The following MCTP1 variants were observed in gnomAD, a reference collection of about 807,000 sequenced individuals.
MCTP1 encodes multiple C2 and transmembrane domain-containing protein 1.
A neutral mutation model predicts 120.6 loss-of-function variants in MCTP1; 69 were observed. That is an observed-to-expected ratio of 0.57 (90% CI 0.47 to 0.70). The LOEUF is 0.70. Ranked by LOEUF, MCTP1 falls within the 30% of genes least tolerant of loss-of-function variation. The probability of loss-of-function intolerance (pLI) is 0.00; values close to 1 mark genes in which losing one functional copy is unlikely to be tolerated. For synonymous variants in MCTP1, 529 were observed against 493.1 expected (o/e 1.07, Z -0.96); for missense variants, 1,203 against 1,248.8 (o/e 0.96, Z 0.55).
chr5:94,873,289 G>C, intron 12 of MCTP1, 48 bp from the exon 13 acceptor site: 1 of 1,051,088 alleles, frequency 9.5e-7, no homozygotes, highest in Non-Finnish European at 1.5e-6. Flanking sequence ...AGCACCCACA[G>C]TTCACAGTGT....
At chr5:95,193,234 C>G (rs929008522) in intron 1 of MCTP1, among the ~76,000 whole-genome samples, 3 of 152,142 alleles carry the variant, frequency 2.0e-5, no homozygotes, top group Non-Finnish European at 4.4e-5. Context: ...TACTTTACAT[C>G]TACTTCAAGG....
chr5:95,243,129 T>C (rs1294949958), intron 1 of MCTP1, among the ~76,000 whole-genome samples: 1 of 152,162 alleles, frequency 6.6e-6, no homozygotes, highest in Non-Finnish European at 1.5e-5. Context: ...CTGTCTCTGA[T>C]GATGTGATCA....
intron 1 of MCTP1, among the ~76,000 whole-genome samples, chr5:95,219,243 A>T (rs1017900063): frequency 1.3e-5 from 2 of 152,094 alleles, no homozygotes; most frequent in African/African-American, 2.4e-5. Flanking sequence ...TTAGCCGGGC[A>T]TGGTGGTGGG....
chr5:95,205,505 G>A (rs1382034739), intron 1 of MCTP1, among the ~76,000 whole-genome samples: 3 of 152,106 alleles, frequency 2.0e-5, no homozygotes, highest in African/African-American at 7.2e-5. Context: ...AAATTAATGT[G>A]AAATAATTTG....
At chr5:95,164,009 T>C (rs1485189180) in intron 1 of MCTP1, among the ~76,000 whole-genome samples, 1 of 152,226 alleles carries the variant, frequency 6.6e-6, no homozygotes, top group Non-Finnish European at 1.5e-5. Flanking sequence ...TTGGTAATTA[T>C]TTGAAATTCT....
chr5:95,064,035 C>T (rs1749959692), intron 1 of MCTP1, among the ~76,000 whole-genome samples: 1 of 152,200 alleles, frequency 6.6e-6, no homozygotes, highest in African/African-American at 2.4e-5. Context: ...TATGTAAACA[C>T]CTGCTTTAGC....
At chr5:94,812,734 T>C (rs1054846512) in intron 17 of MCTP1, among the ~76,000 whole-genome samples, 1 of 150,030 alleles carries the variant, frequency 6.7e-6, no homozygotes, top group South Asian at 2.1e-4. Context: ...TGAATAGCCA[T>C]AGCACTCCAG....
intron 17 of MCTP1, among the ~76,000 whole-genome samples, chr5:94,832,982 G>A (rs910066800): frequency 1.3e-5 from 2 of 152,208 alleles, no homozygotes; most frequent in Non-Finnish European, 2.9e-5. Flanking sequence ...CACACCACAA[G>A]TGAGCTGTTC....
At chr5:95,282,003 G>A (rs1167642593) in intron 1 of MCTP1, among the ~76,000 whole-genome samples, 2 of 152,284 alleles carry the variant, frequency 1.3e-5, no homozygotes, top group Non-Finnish European at 2.9e-5. Flanking sequence ...TACTAACTAC[G>A]TGACCCTGGA....
At chr5:94,808,029 T>A (rs918296436) in intron 17 of MCTP1, among the ~76,000 whole-genome samples, 2 of 152,336 alleles carry the variant, frequency 1.3e-5, no homozygotes, top group Non-Finnish European at 2.9e-5. Flanking sequence ...ATTCTCCTAC[T>A]AATGTTTAAC....
At chr5:94,836,196 A>C (rs967696139) in intron 17 of MCTP1, among the ~76,000 whole-genome samples, 4 of 151,398 alleles carry the variant, frequency 2.6e-5, no homozygotes, top group Admixed American at 1.3e-4. Flanking sequence ...AAAAAAAAAA[A>C]AAAAAAAAAA....
chr5:94,796,711 A>C (rs987386237), intron 18 of MCTP1, among the ~76,000 whole-genome samples: 8 of 149,848 alleles, frequency 5.3e-5, no homozygotes, highest in Non-Finnish European at 1.0e-4. Context: ...TTTCTTTTCA[A>C]AAGGAGCAAC....
chr5:95,219,519 T>G (rs1753446450), intron 1 of MCTP1, among the ~76,000 whole-genome samples: 1 of 152,148 alleles, frequency 6.6e-6, no homozygotes, highest in African/African-American at 2.4e-5. Flanking sequence ...TCAAATGAAT[T>G]AAATTTGGCA....
At chr5:94,785,218 A>G (rs1222953792) in intron 18 of MCTP1, among the ~76,000 whole-genome samples, 3 of 152,154 alleles carry the variant, frequency 2.0e-5, no homozygotes, top group South Asian at 4.1e-4. Flanking sequence ...ATTTCTTTTC[A>G]TATTTCCTTT....
Position 95,283,970 on chromosome 5 carries a change from C to A in MCTP1, c.606G>T (p.Pro202=). ...HLCHQKSSSL[P]GTACLEQLLE... Reference sequence around the variant, plus strand: ...GCAGCTGCTCCAGGCAGGCGGTGCCCGGCAGAGAGGAGCTCTTCTGGTGGC... The same window carrying A: ...GCAGCTGCTCCAGGCAGGCGGTGCCAGGCAGAGAGGAGCTCTTCTGGTGGC... The change falls in exon 1 of 23, where the codon CCG becomes CCT. Residue 202 remains proline (P), a synonymous_variant. Transcript: ENST00000515393. The A allele has an allele frequency of 7.0e-7, 1 of 1,429,964 alleles. No homozygotes were observed. The highest frequency in any genetic ancestry group is 9.1e-7 in the Non-Finnish European group (1 of 1,096,094). 88.6% of individuals were successfully genotyped at this position (1,429,964 alleles called of 1,614,324 possible).
At chr5:95,213,560 A>G (rs1275491486) in intron 1 of MCTP1, among the ~76,000 whole-genome samples, 2 of 152,018 alleles carry the variant, frequency 1.3e-5, no homozygotes, top group African/African-American at 4.8e-5. Flanking sequence ...CGCCAAGTCA[A>G]TCCTAAGCCA....
rs148442628 is a variant in MCTP1 at position 95,114,814 on chromosome 5, C to T, written c.721-97330G>A. Among the ~76,000 whole-genome samples, 44 of 152,242 alleles carry T rather than the reference C, an allele frequency of 2.9e-4. 1 individual carries two copies. In the East Asian group the frequency reaches 5.4e-3, roughly 19 times the overall value. On this transcript the variant is annotated intron_variant, in intron 1 of 22. Transcript: ENST00000515393. The stretch of plus-strand genomic sequence containing the variant: ...GGCCTTGCACGAACATAGGTGGCAG[C>T]CAGGTAGTAATTACAGTGGGCTTTA...
chr5:94,904,532 G>C (rs1806313200), intron 10 of MCTP1, among the ~76,000 whole-genome samples: 1 of 152,116 alleles, frequency 6.6e-6, no homozygotes, highest in South Asian at 2.1e-4. Flanking sequence ...GTTATAGTAA[G>C]TGTCTTGGTA....
chr5:95,110,242 C>CT (rs200782577), intron 1 of MCTP1, among the ~76,000 whole-genome samples: 2,392 of 151,872 alleles, frequency 0.016, 59 homozygotes, highest in African/African-American at 0.055. Flanking sequence ...CTTACCCACT[C>CT]TTTTTTTTGT....
Sources: allele counts gnomAD v4.1 joint callset (sites outside exome capture counted in the v4.1 genomes callset), GRCh38; gene constraint gnomAD v4.1.1; transcripts MANE v1.5; gene names NCBI Gene and HGNC (gene_info 2026-07-23, HGNC 2026-07-21).